The following BIRC6 variants were observed in gnomAD, a reference collection of about 807,000 sequenced individuals.
BIRC6 encodes baculoviral IAP repeat containing 6.
In BIRC6, 98 loss-of-function variants were observed where a neutral mutation model predicts 503.3. The ratio of observed to expected loss-of-function variants is 0.19; its 90% confidence interval spans 0.17 to 0.23. The LOEUF is 0.23. BIRC6 is among the 10% of genes least tolerant of loss of function. BIRC6 has a pLI of 1.00. For missense variants in BIRC6, 5,360 were observed against 5,806.0 expected (o/e 0.92, Z 2.50); for synonymous variants, 2,240 against 2,078.7 (o/e 1.08, Z -2.11).
intron 3 of BIRC6, among the ~76,000 whole-genome samples, chr2:32,381,005 T>G (rs1340046918): frequency 6.6e-6 from 1 of 152,178 alleles, no homozygotes. Context: ...TGAGAGACAG[T>G]GCTTTCAATT....
intron 59 of BIRC6, among the ~76,000 whole-genome samples, chr2:32,525,975 G>A (rs539933380): frequency 6.6e-6 from 1 of 152,276 alleles, no homozygotes; most frequent in South Asian, 2.1e-4. Flanking sequence ...AGTTCAAGCA[G>A]TAGAACTCTT....
At chr2:32,504,717 T>C (rs1238088668) in intron 49 of BIRC6, among the ~76,000 whole-genome samples, 1 of 151,954 alleles carries the variant, frequency 6.6e-6, no homozygotes, top group East Asian at 1.9e-4. Context: ...AAAAAAAGTT[T>C]GAAAATTATT....
rs771597706 is a variant in BIRC6 at position 32,415,300 on chromosome 2, T to C, written c.2009T>C (p.Met670Thr). 11 of 1,614,054 alleles carry C rather than the reference T, an allele frequency of 6.8e-6. No individual in the cohort carries two copies. The South Asian group carries it at 1.1e-4, about 16-fold the overall frequency. Residue 670 changes from methionine to threonine, a missense_variant, in exon 10 of 74, where the codon ATG becomes ACG. Met to Thr is a moderately conservative substitution (Grantham distance 81, BLOSUM62 -1). Coordinates refer to ENST00000421745, the MANE Select transcript of BIRC6 (RefSeq NM_016252.4). ...DGFTVPQIIEMELDSQEQLLL... is the reference protein window; with the variant it reads ...DGFTVPQIIETELDSQEQLLL... The stretch of plus-strand genomic sequence containing the variant: ...TTTACTGTTCCACAGATTATTGAAA[T>C]GGAGCTGGATAGTCAGGAGCAGTTG...
intron 10 of BIRC6, among the ~76,000 whole-genome samples, chr2:32,428,807 T>C (rs764043971): frequency 3.9e-5 from 6 of 152,212 alleles, no homozygotes; most frequent in Non-Finnish European, 8.8e-5. Context: ...TAGTGCCTCA[T>C]CTGTAAAATG....
chr2:32,568,328 GA>G (rs1393732213), intron 65 of BIRC6, among the ~76,000 whole-genome samples: 1 of 149,148 alleles, frequency 6.7e-6, no homozygotes, highest in African/African-American at 2.5e-5. Context: ...CCAACTCTAC[GA>G]AAAAATAGAA....
At position 32,463,882 on chromosome 2, in the gene BIRC6, G is replaced by T. The variant is rs539052830; in HGVS notation, c.4941+501G>T. On this transcript the variant is annotated intron_variant, in intron 24 of 73. Transcript: ENST00000421745. ...CAAGATGTGAGCGGTGGGCAAGCAA[G>T]CACCACCTGAGCTCCATCTCCTTTT... Among the ~76,000 whole-genome samples the T allele has an allele frequency of 5.1e-4, 77 of 152,292 alleles. 1 individual carries two copies. Among genetic ancestry groups the T allele is most frequent in the African/African-American group, 1.8e-3 (74 of 41,560 alleles).
intron 1 of BIRC6, among the ~76,000 whole-genome samples, chr2:32,359,273 A>G (rs922494998): frequency 6.6e-6 from 1 of 152,260 alleles, no homozygotes; most frequent in Non-Finnish European, 1.5e-5. Context: ...AGTCATTAAC[A>G]AAAGTATTCA....
chr2:32,375,743 C>CTCTTTT (rs1432305814), intron 1 of BIRC6, among the ~76,000 whole-genome samples: 4,192 of 138,284 alleles, frequency 0.03, 118 homozygotes, highest in African/African-American at 0.083. Context: ...CTTTCTCTCT[C>CTCTTTT]TTTTTTTTTT....
At chr2:32,532,061 C>A in intron 61 of BIRC6, 1 of 518,214 alleles carries the variant, frequency 1.9e-6, no homozygotes, top group South Asian at 1.4e-5. Flanking sequence ...AAGTATGGTG[C>A]ATGGAGAGTT....
intron 3 of BIRC6, among the ~76,000 whole-genome samples, chr2:32,386,976 C>G (rs1323710585): frequency 6.6e-6 from 1 of 151,986 alleles, no homozygotes; most frequent in African/African-American, 2.4e-5. Flanking sequence ...ATTTACAGAC[C>G]CATAGAACTC....
chr2:32,617,231 C>G (rs538916496), intron 73 of BIRC6, among the ~76,000 whole-genome samples: 1 of 152,300 alleles, frequency 6.6e-6, no homozygotes, highest in East Asian at 1.9e-4. Context: ...GAAACCCCAT[C>G]TCTACTAAAA....
chr2:32,489,496 A>T (rs1045794934), intron 42 of BIRC6, among the ~76,000 whole-genome samples: 1 of 151,782 alleles, frequency 6.6e-6, no homozygotes, highest in Non-Finnish European at 1.5e-5. Context: ...TTAAATATAT[A>T]TAAAAAATAA....
chr2:32,363,315 C>G (rs1248279876), intron 1 of BIRC6, among the ~76,000 whole-genome samples: 3 of 152,200 alleles, frequency 2.0e-5, no homozygotes, highest in South Asian at 2.1e-4. Flanking sequence ...GAGCAAGACT[C>G]TGTCTCAAAC....
At chr2:32,370,061 TAC>T (rs71820292) in intron 1 of BIRC6, among the ~76,000 whole-genome samples, 184 of 140,744 alleles carry the variant, frequency 1.3e-3, no homozygotes, top group Admixed American at 2.9e-3. Context: ...TGTGTATGTA[TAC>T]ACACACACAC....
chr2:32,418,547 C>G (rs542083258), intron 10 of BIRC6, among the ~76,000 whole-genome samples: 1 of 152,140 alleles, frequency 6.6e-6, no homozygotes, highest in Non-Finnish European at 1.5e-5. Flanking sequence ...TTCTTTTAAT[C>G]TGAAAGATTT....
chr2:32,475,424 T>C (rs1477598215), intron 33 of BIRC6, among the ~76,000 whole-genome samples: 2 of 152,062 alleles, frequency 1.3e-5, no homozygotes, highest in Non-Finnish European at 2.9e-5. Context: ...TGCTGTTGTT[T>C]AGGGATGGGG....
chr2:32,616,679 C>T (rs779657404), intron 73 of BIRC6, among the ~76,000 whole-genome samples: 5 of 151,896 alleles, frequency 3.3e-5, no homozygotes, highest in Admixed American at 6.6e-5. Flanking sequence ...TGGCCTACTA[C>T]CTGATAAATA....
chr2:32,532,498 A>G (rs566008919), intron 61 of BIRC6, among the ~76,000 whole-genome samples: 3 of 152,114 alleles, frequency 2.0e-5, no homozygotes, highest in East Asian at 3.9e-4. Context: ...CCTTATAAGG[A>G]CACCAGTCAT....
In BIRC6 at chr2:32,388,016, A is replaced by G. The variant is rs946581374; in HGVS notation, c.646-734A>G. ...GAAAGATTAAATTAAGCTAATTAAC[A>G]TATCTATCAACTCACCTACTTACCA... On this transcript the variant is annotated intron_variant, in intron 3 of 73. Coordinates refer to ENST00000421745, the MANE Select transcript of BIRC6 (RefSeq NM_016252.4). 3.7e-4 allele frequency among the ~76,000 whole-genome samples: 57 copies of G among 152,208 alleles called. 1 individual carries two copies. The highest frequency in any genetic ancestry group is 1.3e-3 in the African/African-American group (54 of 41,458).
Sources: allele counts gnomAD v4.1 joint callset (sites outside exome capture counted in the v4.1 genomes callset), GRCh38; gene constraint gnomAD v4.1.1; transcripts MANE v1.5; gene names NCBI Gene and HGNC (gene_info 2026-07-23, HGNC 2026-07-21).